The following MAGT1 variants were observed in gnomAD, a reference collection of about 807,000 sequenced individuals.
The protein encoded by MAGT1 is magnesium transporter 1, also known as dolichyl-diphosphooligosaccharide--protein glycosyltransferase subunit MAGT1.
MAGT1 carries 4 observed loss-of-function variants against 28.4 expected under a neutral mutation model. That is an observed-to-expected ratio of 0.14 (90% confidence interval 0.07 to 0.32). The LOEUF is 0.32. Ranked by LOEUF, MAGT1 falls within the 10% of genes least tolerant of loss-of-function variation. The probability of loss-of-function intolerance (pLI) is 1.00; values close to 1 mark genes in which losing one functional copy is unlikely to be tolerated. For synonymous variants in MAGT1, 89 were observed against 89.7 expected (o/e 0.99, Z 0.04); for missense variants, 193 against 264.5 (o/e 0.73, Z 1.88).
chrX:77,881,589 T>G (rs1329311811), intron 1 of MAGT1, among the ~76,000 whole-genome samples: 3 of 110,452 alleles, frequency 2.7e-5, no homozygotes, highest in Non-Finnish European at 5.7e-5. Context: ...ACAAAGGACA[T>G]GAACTCATCA....
rs1557212914 is a variant in MAGT1 at position 77,826,294 on chromosome X, T to A, written c.*2926A>T. 1 of 112,164 alleles carries A rather than the reference T, an allele frequency of 8.9e-6. No individual in the cohort carries two copies. The highest frequency in any genetic ancestry group is 2.8e-4 in the East Asian group (1 of 3,610). 9.2% of individuals were successfully genotyped at this position (112,164 alleles called of 1,213,427 possible). A position where few individuals can be genotyped will look rare whatever the true frequency, so the allele number is the denominator to read the frequency against. ...TTAATTATAACTTCAAAATGTAAAA[T>A]CCTAATTTTACAATTCTAGTTTAGT... On this transcript the variant is annotated 3_prime_UTR_variant, in exon 10 of 10. Transcript: ENST00000618282.
chrX:77,870,151 G>A (rs1183139337), intron 3 of MAGT1, among the ~76,000 whole-genome samples: 4 of 111,612 alleles, frequency 3.6e-5, no homozygotes, highest in Non-Finnish European at 5.6e-5. Context: ...ACTTAGGAAC[G>A]GAAAACCAAA....
rs782511764 is a variant in MAGT1 at position 77,848,546 on chromosome X, TTATAAA to T, written c.826+5349_826+5354del. Among the ~76,000 whole-genome samples, 452 of 111,736 alleles carry T rather than the reference TTATAAA, an allele frequency of 4.0e-3. 4 individuals are homozygous for T. Among genetic ancestry groups the T allele is most frequent in the African/African-American group, 0.014 (419 of 30,810 alleles). ...ATTTCTTTGTAATTTTTATGTATTT[TTATAAA>T]TATAAAGGCCATACAACATAGAAAA... is the stretch of plus-strand genomic sequence containing the variant. On this transcript the variant is annotated intron_variant, in intron 7 of 9. Coordinates refer to ENST00000618282, the MANE Select transcript of MAGT1 (RefSeq NM_001367916.1).
rs2076883481 is a variant in MAGT1 at position 77,826,636 on chromosome X, G to C, written c.*2584C>G. ...GAATGCTGCCTTTCTCCTTACAGAA[G>C]AATGTGCTCTTAAAGGGAGAAAAAG... On this transcript the variant is annotated 3_prime_UTR_variant, in exon 10 of 10. Coordinates refer to ENST00000618282, the MANE Select transcript of MAGT1 (RefSeq NM_001367916.1). The C allele has an allele frequency of 8.9e-6, 1 of 112,583 alleles. No homozygotes were observed. Among genetic ancestry groups the C allele is most frequent in the South Asian group, 3.6e-4 (1 of 2,791 alleles). The allele number at this position is 112,583 out of a possible 1,213,427, so 9.3% of individuals were successfully genotyped here.
At chrX:77,891,854 T>C (rs1331086095) in intron 1 of MAGT1, among the ~76,000 whole-genome samples, 3 of 112,347 alleles carry the variant, frequency 2.7e-5, no homozygotes, top group African/African-American at 9.7e-5. Context: ...CAGGGTAGCA[T>C]TCCATTTAGC....
chrX:77,858,457 C>G (rs1275461844), intron 3 of MAGT1, among the ~76,000 whole-genome samples: 1 of 111,745 alleles, frequency 8.9e-6, no homozygotes, highest in African/African-American at 3.2e-5. Context: ...TCCCAAAGTG[C>G]TGGGTTTACA....
At chrX:77,831,425 T>C (rs2076898356) in intron 8 of MAGT1, among the ~76,000 whole-genome samples, 1 of 111,308 alleles carries the variant, frequency 9.0e-6, no homozygotes, top group South Asian at 3.7e-4. Flanking sequence ...GAATCTGCCT[T>C]CCCCTTTAAT....
At chrX:77,851,552 T>A (rs1211068977) in intron 7 of MAGT1, among the ~76,000 whole-genome samples, 1 of 111,827 alleles carries the variant, frequency 8.9e-6, no homozygotes, top group Non-Finnish European at 1.9e-5. Flanking sequence ...TTTTGTATTT[T>A]TAGTAGAGAC....
At chrX:77,844,886 G>C (rs1443316179) in intron 7 of MAGT1, among the ~76,000 whole-genome samples, 11 of 111,611 alleles carry the variant, frequency 9.9e-5, no homozygotes, top group Non-Finnish European at 2.1e-4. Context: ...TTTTGGAATA[G>C]GTGTTGTGTG....
intron 3 of MAGT1, among the ~76,000 whole-genome samples, chrX:77,869,798 G>A (rs1557217179): frequency 1.8e-5 from 2 of 111,336 alleles, no homozygotes; most frequent in African/African-American, 6.5e-5. Flanking sequence ...AACACTGCTG[G>A]TGGGAATGTA....
chrX:77,847,695 C>T (rs1284836710), intron 7 of MAGT1, among the ~76,000 whole-genome samples: 1 of 106,374 alleles, frequency 9.4e-6, no homozygotes, highest in Non-Finnish European at 1.9e-5. Flanking sequence ...ACTGCAACCT[C>T]TGCCTCCCGG....
At chrX:77,843,951 G>T (rs1044081096) in intron 7 of MAGT1, among the ~76,000 whole-genome samples, 7 of 111,746 alleles carry the variant, frequency 6.3e-5, no homozygotes, top group Admixed American at 2.9e-4. Context: ...TCAGGATGAT[G>T]CTGGCCTCAT....
chrX:77,885,077 AAG>A (rs1304033228), intron 1 of MAGT1, among the ~76,000 whole-genome samples: 1 of 107,243 alleles, frequency 9.3e-6, no homozygotes, highest in Non-Finnish European at 1.9e-5. Flanking sequence ...AAAAAAAAAA[AAG>A]AGAGAGACAG....
chrX:77,873,922 C>T (rs1252129630), intron 2 of MAGT1, among the ~76,000 whole-genome samples: 2 of 110,922 alleles, frequency 1.8e-5, no homozygotes, highest in Admixed American at 9.7e-5. Flanking sequence ...CTGAAAACCA[C>T]CATTCTACTC....
chrX:77,827,357 G>A lies in MAGT1; in HGVS notation c.*1863C>T, dbSNP rs782366186. 3 of 110,878 alleles carry A rather than the reference G, an allele frequency of 2.7e-5. No homozygotes were observed. The highest frequency in any genetic ancestry group is 2.8e-4 in the East Asian group (1 of 3,561). The allele number at this position is 110,878 out of a possible 1,213,427, so 9.1% of individuals were successfully genotyped here. ...AACAGCAAAACATAGAACAGCTTTC[G>A]AGAAACGCTTAATTTCTATATACAG... On this transcript the variant is annotated 3_prime_UTR_variant, in exon 10 of 10. Transcript: ENST00000618282.
At chrX:77,895,222 G>A in intron 1 of MAGT1, 87 bp downstream of exon 1, 1 of 1,038,504 alleles carries the variant, frequency 9.6e-7, no homozygotes, top group South Asian at 1.9e-5. Context: ...AGAAGCGGCA[G>A]GGAAAGGGGG....
chrX:77,870,695 G>T, intron 3 of MAGT1, 113 bp downstream of exon 3: 1 of 552,524 alleles, frequency 1.8e-6, no homozygotes, highest in Non-Finnish European at 3.1e-6. Context: ...TGCTACTCTA[G>T]ATCTTACATA....
intron 8 of MAGT1, among the ~76,000 whole-genome samples, chrX:77,832,882 T>A (rs1182889252): frequency 1.8e-5 from 2 of 109,830 alleles, no homozygotes; most frequent in Non-Finnish European, 3.8e-5. Flanking sequence ...TCAGTTTTGT[T>A]TTACTTATGG....
At chrX:77,842,615 T>C (rs1478943520) in intron 7 of MAGT1, among the ~76,000 whole-genome samples, 1 of 110,503 alleles carries the variant, frequency 9.0e-6, no homozygotes, top group Non-Finnish European at 1.9e-5. Context: ...TCACCTTAAG[T>C]CAGGAGTTCA....
Sources: gnomAD v4.1 joint callset for allele counts (sites outside exome capture counted in the v4.1 genomes callset) on GRCh38, gnomAD v4.1.1 for gene constraint, MANE v1.5 for transcripts, NCBI Gene and HGNC (gene_info 2026-07-23, HGNC 2026-07-21) for gene names.